MDGA2: variants seen among roughly 807,000 people sequenced by gnomAD.
The protein encoded by MDGA2 is MAM domain-containing glycosylphosphatidylinositol anchor protein 2.
A neutral mutation model predicts 117.8 loss-of-function variants in MDGA2; 40 were observed. That is an observed-to-expected ratio of 0.34 (90% confidence interval 0.26 to 0.44). The LOEUF (loss-of-function observed/expected upper bound fraction) is 0.44. Ranked by LOEUF, MDGA2 falls within the 20% of genes least tolerant of loss-of-function variation. The pLI is 1.00. For synonymous variants in MDGA2, 452 were observed against 439.0 expected (o/e 1.03, Z -0.37); for missense variants, 1,123 against 1,250.6 (o/e 0.90, Z 1.54).
At chr14:46,918,144 T>C (rs1384592801) in intron 10 of MDGA2, among the ~76,000 whole-genome samples, 1 of 152,114 alleles carries the variant, frequency 6.6e-6, no homozygotes, top group Non-Finnish European at 1.5e-5. Flanking sequence ...AGTAAGAAAC[T>C]AAAGATACAA....
intron 1 of MDGA2, among the ~76,000 whole-genome samples, chr14:47,482,414 C>T (rs1005566298): frequency 6.6e-6 from 1 of 152,016 alleles, no homozygotes; most frequent in Non-Finnish European, 1.5e-5. Context: ...AAACACCAAA[C>T]GGAAATTAGT....
intron 1 of MDGA2, among the ~76,000 whole-genome samples, chr14:47,415,352 T>C (rs574783291): frequency 6.7e-4 from 101 of 151,802 alleles, no homozygotes; most frequent in Non-Finnish European, 7.1e-4. Flanking sequence ...ATGTTTTACA[T>C]ATACTTTGGA....
chr14:47,331,863 C>G (rs1594800627), intron 1 of MDGA2, among the ~76,000 whole-genome samples: 1 of 151,814 alleles, frequency 6.6e-6, no homozygotes, highest in East Asian at 1.9e-4. Flanking sequence ...AAAAACAGTC[C>G]TTTTCGATAA....
chr14:47,283,140 G>A (rs1025560441), intron 2 of MDGA2, among the ~76,000 whole-genome samples: 2 of 152,068 alleles, frequency 1.3e-5, no homozygotes, highest in East Asian at 1.9e-4. Context: ...ATAGATTGTG[G>A]TAACAGAGAA....
At chr14:47,045,964 CA>C (rs1225233960) in intron 7 of MDGA2, among the ~76,000 whole-genome samples, 7 of 97,764 alleles carry the variant, frequency 7.2e-5, no homozygotes, top group African/African-American at 1.6e-4. Flanking sequence ...GACTCGGTCT[CA>C]AAAAAAAAGG....
At chr14:47,562,062 T>C (rs550001712) in intron 1 of MDGA2, among the ~76,000 whole-genome samples, 1 of 152,324 alleles carries the variant, frequency 6.6e-6, no homozygotes, top group South Asian at 2.1e-4. Context: ...CAACTTTGCA[T>C]CCCACGGATA....
At chr14:46,866,640 C>A (rs1292090938) in intron 14 of MDGA2, among the ~76,000 whole-genome samples, 1 of 151,360 alleles carries the variant, frequency 6.6e-6, no homozygotes, top group Non-Finnish European at 1.5e-5. Flanking sequence ...GCAACCTACT[C>A]ATCTGACAAA....
intron 2 of MDGA2, among the ~76,000 whole-genome samples, chr14:47,226,310 A>G (rs1434937604): frequency 6.6e-6 from 1 of 152,072 alleles, no homozygotes; most frequent in African/African-American, 2.4e-5. Flanking sequence ...TCTACTCACT[A>G]TGCGGAAAAC....
chr14:47,472,178 A>G (rs1376142913), intron 1 of MDGA2, among the ~76,000 whole-genome samples: 2 of 152,188 alleles, frequency 1.3e-5, no homozygotes, highest in African/African-American at 4.8e-5. Flanking sequence ...TTACTCCTAT[A>G]TACATATTTT....
intron 8 of MDGA2, among the ~76,000 whole-genome samples, chr14:46,980,000 C>T (rs1886606737): frequency 6.6e-6 from 1 of 152,150 alleles, no homozygotes. Flanking sequence ...GGCTTCAAAC[C>T]TTCAAATTAC....
intron 2 of MDGA2, among the ~76,000 whole-genome samples, chr14:47,273,449 C>A (rs536167447): frequency 6.6e-6 from 1 of 151,908 alleles, no homozygotes; most frequent in African/African-American, 2.4e-5. Flanking sequence ...GGTGCTTTAA[C>A]GAAAGATAAA....
chr14:47,133,903 A>T (rs1882328593), intron 4 of MDGA2, among the ~76,000 whole-genome samples: 1 of 151,904 alleles, frequency 6.6e-6, no homozygotes, highest in Non-Finnish European at 1.5e-5. Flanking sequence ...CAACTAAAAA[A>T]CTCATGATTG....
intron 3 of MDGA2, among the ~76,000 whole-genome samples, chr14:47,174,464 C>A (rs1324416724): frequency 6.6e-6 from 1 of 152,120 alleles, no homozygotes; most frequent in Non-Finnish European, 1.5e-5. Context: ...GACCACAGTG[C>A]AATCAAACTA....
chr14:47,507,825 T>C (rs1371587862), intron 1 of MDGA2, among the ~76,000 whole-genome samples: 1 of 152,226 alleles, frequency 6.6e-6, no homozygotes, highest in East Asian at 1.9e-4. Flanking sequence ...AAATTTGGGC[T>C]TAAGATCTTT....
At chr14:47,084,641 A>G (rs1890831837) in intron 6 of MDGA2, among the ~76,000 whole-genome samples, 2 of 152,304 alleles carry the variant, frequency 1.3e-5, no homozygotes, top group South Asian at 2.1e-4. Flanking sequence ...TGATAGTATC[A>G]GGACGTGGAG....
At chr14:47,632,122 G>T (rs1897256208) in intron 1 of MDGA2, among the ~76,000 whole-genome samples, 1 of 152,044 alleles carries the variant, frequency 6.6e-6, no homozygotes, top group Admixed American at 6.6e-5. Flanking sequence ...AATCTTTCTT[G>T]AACTGTGCAT....
intron 9 of MDGA2, among the ~76,000 whole-genome samples, chr14:46,936,253 C>T (rs1449318595): frequency 1.3e-5 from 2 of 151,850 alleles, no homozygotes; most frequent in East Asian, 1.9e-4. Flanking sequence ...AAGATAGGGG[C>T]AAACCAGAAG....
intron 1 of MDGA2, among the ~76,000 whole-genome samples, chr14:47,451,500 C>T (rs1243501613): frequency 2.0e-5 from 3 of 152,100 alleles, no homozygotes; most frequent in Admixed American, 2.0e-4. Flanking sequence ...GAATGTGGAA[C>T]TGACTGCTAA....
At chr14:47,412,934 A>G (rs1465750402) in intron 1 of MDGA2, among the ~76,000 whole-genome samples, 3 of 152,206 alleles carry the variant, frequency 2.0e-5, no homozygotes, top group Non-Finnish European at 4.4e-5. Flanking sequence ...CAAATAAAGG[A>G]AATGGATGTA....
Sources: gnomAD v4.1 joint callset for allele counts (sites outside exome capture counted in the v4.1 genomes callset) on GRCh38, gnomAD v4.1.1 for gene constraint, MANE v1.5 for transcripts, NCBI Gene and HGNC (gene_info 2026-07-23, HGNC 2026-07-21) for gene names.